Variants in COPB1 observed in about 807,000 individuals in gnomAD.
COPB1 encodes the protein coat protein complex I subunit beta 1.
A neutral mutation model predicts 108.7 loss-of-function variants in COPB1; 21 were observed. The ratio of observed to expected loss-of-function variants is 0.19; its 90% CI spans 0.14 to 0.28. The LOEUF (loss-of-function observed/expected upper bound fraction) is 0.28. Among genes scored for constraint, COPB1 ranks in the 10% least tolerant of loss-of-function variants. COPB1 has a pLI of 1.00. For synonymous variants in COPB1, 378 were observed against 386.8 expected (o/e 0.98, Z 0.27); for missense variants, 919 against 1,141.3 (o/e 0.81, Z 2.81).
Position 14,488,514 on chromosome 11 carries a change from A to G in COPB1, c.677T>C (p.Val226Ala). ...TACCTTATAAATCAGTTCAACAATA[A>G]CCAGCTGCAGAATGTCTCCAAATGT... is the stretch of plus-strand genomic sequence containing the variant. ...VQTFGDILQL[V>A]IVELIYKVCH... Residue 226 changes from valine to alanine, a missense_variant, in exon 6 of 22, where the codon GTT becomes GCT. Val to Ala is a moderately conservative substitution (Grantham distance 64). Around this residue, in one of 5 missense-constraint regions of COPB1, gnomAD observed 22 missense variants for 61.0 expected, o/e 0.36. Coordinates refer to ENST00000439561, the MANE Select transcript of COPB1 (RefSeq NM_001144061.2). The G allele has an allele frequency of 1.2e-6, 2 of 1,606,874 alleles. No individual in the cohort carries two copies. Among genetic ancestry groups the G allele is most frequent in the Middle Eastern group, 1.7e-4 (1 of 6,000 alleles).
rs749246021 is a variant in COPB1 at position 14,475,767 on chromosome 11, A to G, written c.1616+18T>C. 11 of 1,540,678 alleles carry G rather than the reference A, an allele frequency of 7.1e-6. No homozygotes were observed. In the South Asian group the frequency reaches 7.6e-5, roughly 11 times the overall value. Reference sequence around the variant, plus strand: ...ATAAAAGTAGTACAGCTGGCAGGGTATATGTGCCATAAATTACCTGTCTTC... The same window carrying G: ...ATAAAAGTAGTACAGCTGGCAGGGTGTATGTGCCATAAATTACCTGTCTTC... On this transcript the variant is annotated intron_variant, in intron 13 of 21. Coordinates refer to ENST00000439561, the MANE Select transcript of COPB1 (RefSeq NM_001144061.2).
At chr11:14,482,229 A>T (rs925570205) in intron 8 of COPB1, among the ~76,000 whole-genome samples, 1 of 152,180 alleles carries the variant, frequency 6.6e-6, no homozygotes, top group African/African-American at 2.4e-5. Flanking sequence ...CCATATTCAT[A>T]TTTCTCAATC....
At chr11:14,474,251 G>GA (rs1850468814) in intron 14 of COPB1, 1 of 273,556 alleles carries the variant, frequency 3.7e-6, no homozygotes, top group South Asian at 5.9e-5. Flanking sequence ...TCTTCCACTG[G>GA]AATAATCACA....
intron 7 of COPB1, among the ~76,000 whole-genome samples, chr11:14,484,308 T>C (rs1249785769): frequency 6.6e-6 from 1 of 152,188 alleles, no homozygotes; most frequent in Non-Finnish European, 1.5e-5. Flanking sequence ...TGATGAAATA[T>C]GAATAAAGCC....
In COPB1 at chr11:14,469,503, G is replaced by A; in HGVS notation, c.1798C>T (p.Leu600Phe). The A allele has an allele frequency of 6.2e-7, 1 of 1,614,200 alleles. No homozygotes were observed. Among genetic ancestry groups the A allele is most frequent in the South Asian group, 1.1e-5 (1 of 91,082 alleles). ...ATILHLGKSS[L>F]PKKPITDDDV... The stretch of plus-strand genomic sequence containing the variant: ...TCATCAGTAATTGGCTTCTTAGGAA[G>A]AGAGGATTTTCCCAAATGCAGGATA... The change falls in exon 15 of 22, where the codon CTT becomes TTT. Residue 600 changes from leucine (L) to phenylalanine (F), a missense_variant. Transcript: ENST00000439561.
In COPB1 at chr11:14,465,170, C is replaced by T. The variant is rs72868017; in HGVS notation, c.2291-140G>A. On this transcript the variant is annotated intron_variant, in intron 17 of 21. Coordinates refer to ENST00000439561, the MANE Select transcript of COPB1 (RefSeq NM_001144061.2). ...GTTTCTAGGAAAATAAGGAATATGA[C>T]GAATATGAGAAGAGTATGAATCAAA... 7,170 of 1,157,866 alleles carry T rather than the reference C, an allele frequency of 6.2e-3. 39 individuals carry two copies. Among genetic ancestry groups the T allele is most frequent in the Non-Finnish European group, 6.9e-3 (5,988 of 871,996 alleles). The allele number at this position is 1,157,866 out of a possible 1,614,324, so 71.7% of individuals were successfully genotyped here. A position where few individuals can be genotyped will look rare whatever the true frequency, so the allele number is the denominator to read the frequency against.
At chr11:14,467,190 CA>C (rs59801667) in intron 16 of COPB1, among the ~76,000 whole-genome samples, 101,595 of 151,644 alleles carry the variant, frequency 0.67, 34,222 homozygotes, top group African/African-American at 0.72. Flanking sequence ...AAAATTCAAA[CA>C]AAAAAAACCA....
chr11:14,483,552 T>C (rs573852960), intron 7 of COPB1, among the ~76,000 whole-genome samples: 6 of 152,302 alleles, frequency 3.9e-5, no homozygotes, highest in African/African-American at 1.4e-4. Flanking sequence ...GTCTAACTCA[T>C]CTGCATTGCA....
chr11:14,475,358 G>T (rs1022702344), intron 13 of COPB1, among the ~76,000 whole-genome samples: 1 of 151,990 alleles, frequency 6.6e-6, no homozygotes, highest in Non-Finnish European at 1.5e-5. Context: ...CACTTAGTGG[G>T]TATTCAGTAA....
At chr11:14,497,877 T>A (rs1487964269) in intron 2 of COPB1, among the ~76,000 whole-genome samples, 3 of 152,080 alleles carry the variant, frequency 2.0e-5, no homozygotes, top group Non-Finnish European at 4.4e-5. Context: ...AAGAATGAGA[T>A]CTTGTCATTT....
intron 6 of COPB1, among the ~76,000 whole-genome samples, chr11:14,488,172 T>C (rs1850819094): frequency 1.3e-5 from 2 of 152,176 alleles, no homozygotes; most frequent in Admixed American, 6.5e-5. Context: ...CAAGAAAATC[T>C]TGAATTTTAT....
intron 18 of COPB1, 29 bp from the exon 19 acceptor site, chr11:14,461,360 A>C (rs758423574): frequency 6.2e-7 from 1 of 1,605,020 alleles, no homozygotes; most frequent in African/African-American, 1.3e-5. Context: ...AAAGATTCGC[A>C]ATCACTGGGG....
At position 14,475,713 on chromosome 11, in the gene COPB1, ATTTGACTGTC is replaced by A. The variant is rs982399370; in HGVS notation, c.1616+62_1616+71del. 2.2e-6 allele frequency: 3 copies of A among 1,339,390 alleles called. No individual in the cohort carries two copies. In the African/African-American group the frequency reaches 4.5e-5, roughly 20 times the overall value. The allele number at this position is 1,339,390 out of a possible 1,614,324, so 83.0% of individuals were successfully genotyped here. On this transcript the variant is annotated intron_variant, in intron 13 of 21. Transcript: ENST00000439561. ...TTGCAAAAGCAAGAGGAAAGAAATCATTTGACTGTCTTACATACAAGAGTAATAATAAAAG... is the reference window on the plus strand; with the variant it reads ...TTGCAAAAGCAAGAGGAAAGAAATCATTACATACAAGAGTAATAATAAAAG...
rs764730703 is a variant in COPB1, at chr11:14,474,448, G to A, written c.1737+47C>T. On this transcript the variant is annotated intron_variant, in intron 14 of 21. Coordinates refer to ENST00000439561, the MANE Select transcript of COPB1 (RefSeq NM_001144061.2). ...CCTCACTGTTCAATGCATATAGTAG[G>A]CACTCAATGTTTAATTGTTGGTTAA... is the stretch of plus-strand genomic sequence containing the variant. The A allele has an allele frequency of 8.3e-6, 13 of 1,563,226 alleles. No homozygotes were observed. The Admixed American group carries it at 2.0e-4, about 25-fold the overall frequency.
intron 6 of COPB1, among the ~76,000 whole-genome samples, chr11:14,487,980 G>C: frequency 6.6e-6 from 1 of 152,232 alleles, no homozygotes; most frequent in African/African-American, 2.4e-5. Context: ...ATATATCATA[G>C]TAAAGTGTTG....
chr11:14,473,659 G>GT (rs1850458036), intron 14 of COPB1, among the ~76,000 whole-genome samples: 1 of 151,964 alleles, frequency 6.6e-6, no homozygotes, highest in African/African-American at 2.4e-5. Context: ...AACTATGATA[G>GT]TAACATTAAA....
intron 17 of COPB1, 77 bp from the exon 18 acceptor site, chr11:14,465,107 AC>A: frequency 8.0e-7 from 1 of 1,244,566 alleles, no homozygotes; most frequent in East Asian, 2.7e-5. Context: ...ACACACACAC[AC>A]ACTAACCATA....
intron 14 of COPB1, among the ~76,000 whole-genome samples, chr11:14,472,968 T>G (rs937306285): frequency 2.6e-5 from 4 of 152,124 alleles, no homozygotes; most frequent in African/African-American, 4.8e-5. Flanking sequence ...CTATTTCGCT[T>G]TCTTTCTTCT....
intron 13 of COPB1, 85 bp downstream of exon 13, chr11:14,475,700 G>C: frequency 1.5e-6 from 2 of 1,316,942 alleles, no homozygotes; most frequent in Non-Finnish European, 9.9e-7. Context: ...GCAAAAGCAA[G>C]AGGAAAGAAA....
Sources: gnomAD v4.1 joint callset for allele counts (sites outside exome capture counted in the v4.1 genomes callset) on GRCh38, gnomAD v4.1.1 for gene constraint, gnomAD v4.1.1 regional missense constraint, MANE v1.5 for transcripts, NCBI Gene and HGNC (gene_info 2026-07-23, HGNC 2026-07-21) for gene names.